Variants in GRM7 observed in about 807,000 individuals in gnomAD.
GRM7 encodes the protein glutamate metabotropic receptor 7.
A neutral mutation model predicts 84.5 loss-of-function variants in GRM7; 35 were observed. The observed-to-expected ratio is 0.41, with a 90% CI of 0.32 to 0.55. The LOEUF is 0.55. Among genes scored for constraint, GRM7 ranks in the 20% least tolerant of loss-of-function variants. The probability of loss-of-function intolerance (pLI) is 0.19; values close to 1 mark genes in which losing one functional copy is unlikely to be tolerated. For synonymous variants in GRM7, 487 were observed against 455.1 expected, an observed-to-expected ratio of 1.07 and a Z score of -0.89; for missense variants, 1,003 against 1,194.6, an observed-to-expected ratio of 0.84 and a Z score of 2.36.
intron 7 of GRM7, among the ~76,000 whole-genome samples, chr3:7,476,083 C>G (rs541115563): frequency 7.2e-4 from 109 of 152,286 alleles, no homozygotes; most frequent in African/African-American, 2.5e-3. Context: ...GGGGGTGTTA[C>G]AAAGCATGGG....
chr3:7,449,302 A>T (rs1697666230), intron 5 of GRM7, among the ~76,000 whole-genome samples: 1 of 152,106 alleles, frequency 6.6e-6, no homozygotes, highest in Non-Finnish European at 1.5e-5. Flanking sequence ...TGTGAGAAAA[A>T]CTTTAAACAC....
rs992370068 is a variant in GRM7, at chr3:7,680,486, G to A, written c.2698+191G>A. The A allele has an allele frequency of 1.2e-5, 7 of 599,842 alleles. No homozygotes were observed. In the East Asian group the frequency reaches 2.0e-4, roughly 17 times the overall value. 37.2% of individuals were successfully genotyped at this position (599,842 alleles called of 1,614,324 possible). A position where few individuals can be genotyped will look rare whatever the true frequency, so the allele number is the denominator to read the frequency against. On this transcript the variant is annotated intron_variant, in intron 9 of 9. Transcript: ENST00000357716. ...TGCCACCATTTTCTTTTTGTTCCTTGTTGGAAAGAAGCTTTTGGAGGCTCT... is the reference window on the plus strand; with the variant it reads ...TGCCACCATTTTCTTTTTGTTCCTTATTGGAAAGAAGCTTTTGGAGGCTCT...
At chr3:7,240,151 G>T in intron 2 of GRM7, among the ~76,000 whole-genome samples, 1 of 12,890 alleles carries the variant, frequency 7.8e-5, no homozygotes. Context: ...TTTTCCAGTG[G>T]CTTAATTTCA....
chr3:7,228,150 T>C lies in GRM7; in HGVS notation c.737-70534T>C, dbSNP rs1016536007. On this transcript the variant is annotated intron_variant, in intron 2 of 9. Transcript: ENST00000357716. The stretch of plus-strand genomic sequence containing the variant: ...TAGGATTGCCCCACCTTCAGACCTG[T>C]GGGTAAGGTGACCCCAAATTTGAGG... 5.3e-5 allele frequency among the ~76,000 whole-genome samples: 8 copies of C among 152,112 alleles called. No homozygotes were observed. The East Asian group carries it at 1.2e-3, about 22-fold the overall frequency.
At chr3:7,311,553 G>A (rs1345421488) in intron 4 of GRM7, among the ~76,000 whole-genome samples, 1 of 151,538 alleles carries the variant, frequency 6.6e-6, no homozygotes. Context: ...GTATTGTTCT[G>A]CAATCTGGGC....
chr3:6,893,906 C>T (rs919405797), intron 1 of GRM7: 2 of 152,106 alleles, frequency 1.3e-5, no homozygotes, highest in African/African-American at 4.8e-5. Flanking sequence ...CTTCGGATGA[C>T]ATGAGATGCT....
At chr3:7,674,867 CAAAACTA>C (rs1362775461) in intron 8 of GRM7, among the ~76,000 whole-genome samples, 1 of 151,920 alleles carries the variant, frequency 6.6e-6, no homozygotes, top group African/African-American at 2.4e-5. Context: ...ATAAAAGTAC[CAAAACTA>C]AAAAATAGGT....
intron 5 of GRM7, among the ~76,000 whole-genome samples, chr3:7,440,677 A>C (rs34450275): frequency 6.6e-6 from 1 of 151,874 alleles, no homozygotes; most frequent in Admixed American, 6.6e-5. Context: ...CCCAGCCTCT[A>C]TTGTCCCCTT....
At chr3:7,217,233 C>G (rs1696644693) in intron 2 of GRM7, among the ~76,000 whole-genome samples, 1 of 152,176 alleles carries the variant, frequency 6.6e-6, no homozygotes, top group Non-Finnish European at 1.5e-5. Flanking sequence ...AGTGAGTCTG[C>G]TGATGTGATT....
intron 2 of GRM7, among the ~76,000 whole-genome samples, chr3:7,256,608 G>C (rs1000422770): frequency 6.6e-6 from 1 of 151,764 alleles, no homozygotes; most frequent in African/African-American, 2.4e-5. Flanking sequence ...AGACTTCCTA[G>C]CTACCTATGC....
At chr3:7,033,701 A>G (rs1024494886) in intron 1 of GRM7, among the ~76,000 whole-genome samples, 46 of 152,156 alleles carry the variant, frequency 3.0e-4, no homozygotes, top group Non-Finnish European at 1.2e-4. Context: ...AAAAACAATA[A>G]GCAGAACAGG....
At chr3:7,463,259 A>G (rs547283559) in intron 7 of GRM7, among the ~76,000 whole-genome samples, 3 of 147,172 alleles carry the variant, frequency 2.0e-5, no homozygotes, top group South Asian at 4.6e-4. Flanking sequence ...AATTTGTCCA[A>G]TATCCGTAAG....
intron 9 of GRM7, among the ~76,000 whole-genome samples, chr3:7,696,956 G>A (rs1332356498): frequency 6.6e-6 from 1 of 152,058 alleles, no homozygotes; most frequent in African/African-American, 2.4e-5. Flanking sequence ...CCAGTTCCAG[G>A]CCAGTTCTAT....
chr3:6,954,738 T>G (rs915662128), intron 1 of GRM7, among the ~76,000 whole-genome samples: 2 of 152,216 alleles, frequency 1.3e-5, no homozygotes, highest in African/African-American at 4.8e-5. Flanking sequence ...TGACATTCCT[T>G]CATAGAAACA....
At chr3:7,163,188 G>T (rs1195936186) in intron 2 of GRM7, among the ~76,000 whole-genome samples, 2 of 152,118 alleles carry the variant, frequency 1.3e-5, no homozygotes, top group Non-Finnish European at 2.9e-5. Flanking sequence ...GTCTCACACA[G>T]AGCTGTTGTC....
intron 1 of GRM7, among the ~76,000 whole-genome samples, chr3:6,955,682 A>T (rs57558695): frequency 0.053 from 8,102 of 151,966 alleles, 272 homozygotes; most frequent in African/African-American, 0.081. Flanking sequence ...TTCTCTACTA[A>T]AAATACAAAA....
In GRM7 at chr3:7,406,330, C is replaced by A. The variant is rs558776874; in HGVS notation, c.1034-8693C>A. On this transcript the variant is annotated intron_variant, in intron 4 of 9. Transcript: ENST00000357716. The stretch of plus-strand genomic sequence containing the variant: ...CCTGGCTAACAAGGTGCAACCCCGT[C>A]TCTACTAAAAATACAAAAAATTAGC... Among the ~76,000 whole-genome samples the A allele has an allele frequency of 1.1e-4, 17 of 152,102 alleles. No homozygotes were observed. The East Asian group carries it at 1.9e-3, about 17-fold the overall frequency.
chr3:7,590,675 G>C (rs922709717), intron 8 of GRM7, among the ~76,000 whole-genome samples: 5 of 152,022 alleles, frequency 3.3e-5, no homozygotes, highest in African/African-American at 1.2e-4. Flanking sequence ...CTTTGTTCAG[G>C]ATATGCCTTC....
chr3:6,882,885 A>G (rs1275815633), intron 1 of GRM7, among the ~76,000 whole-genome samples: 1 of 152,232 alleles, frequency 6.6e-6, no homozygotes, highest in Non-Finnish European at 1.5e-5. Context: ...GAAAAATGAG[A>G]AAAACATCTT....
Sources: gnomAD v4.1 joint callset for allele counts (sites outside exome capture counted in the v4.1 genomes callset) on GRCh38, gnomAD v4.1.1 for gene constraint, MANE v1.5 for transcripts, NCBI Gene and HGNC (gene_info 2026-07-23, HGNC 2026-07-21) for gene names.